PLCD3: variants seen among roughly 807,000 people sequenced by gnomAD.
PLCD3 encodes the protein 1-phosphatidylinositol 4,5-bisphosphate phosphodiesterase delta-3.
A neutral mutation model predicts 82.8 loss-of-function variants in PLCD3; 62 were observed. The observed-to-expected ratio is 0.75, with a 90% CI of 0.61 to 0.93. The LOEUF is 0.93. PLCD3 is among the 40% of genes least tolerant of loss of function. PLCD3 has a pLI of 0.00. For synonymous variants in PLCD3, 478 were observed against 471.8 expected (o/e 1.01, Z -0.17); for missense variants, 1,023 against 1,103.4 (o/e 0.93, Z 1.03).
chr17:45,114,332 C>T lies in PLCD3; in HGVS notation c.1746G>A (p.Leu582=), dbSNP rs1353635389. The stretch of plus-strand genomic sequence containing the variant: ...GCAGCCCCAGCGGGTACACGCGGGT[C>T]AGCTGGCGGGCATTGTGCCTGACAA... ...NSFVRHNARQ[L]TRVYPLGLRM... Residue 582 remains leucine, a synonymous_variant, in exon 11 of 15, where the codon CTG becomes CTA. Coordinates refer to ENST00000619929, the MANE Select transcript of PLCD3 (RefSeq NM_133373.5). 6.5e-7 allele frequency: 1 copy of T among 1,549,484 alleles called. No homozygotes were observed. The highest frequency in any genetic ancestry group is 2.0e-5 in the Admixed American group (1 of 50,628).
intron 11 of PLCD3, 132 bp downstream of exon 11, chr17:45,114,118 G>T: frequency 1.5e-6 from 1 of 666,136 alleles, no homozygotes; most frequent in Non-Finnish European, 2.5e-6. Flanking sequence ...CACCTACATT[G>T]CTGGCAACTT....
In PLCD3 at chr17:45,112,972, C is replaced by G; in HGVS notation, c.2172G>C (p.Leu724=). Reference sequence around the variant, plus strand: ...GGACCAGTGCCAGCTCCGGAGCCCGCAGCTGGAACTGCAGGGTCTGCCCCC... The same window carrying G: ...GGACCAGTGCCAGCTCCGGAGCCCGGAGCTGGAACTGCAGGGTCTGCCCCC... ...PRWGQTLQFQ[L]RAPELALVRF... is the part of the protein sequence containing the mutation. Residue 724 remains leucine, a synonymous_variant, in exon 14 of 15, where the codon CTG becomes CTC. Coordinates refer to ENST00000619929, the MANE Select transcript of PLCD3 (RefSeq NM_133373.5). 2 of 1,611,578 alleles carry G rather than the reference C, an allele frequency of 1.2e-6. No homozygotes were observed. Among genetic ancestry groups the G allele is most frequent in the Non-Finnish European group, 1.7e-6 (2 of 1,178,526 alleles).
At position 45,113,016 on chromosome 17, in the gene PLCD3, G is replaced by A; in HGVS notation, c.2132-4C>T. ...TGCCCCCAGCGGGGGTTGAAGCCTA[G>A]GGCACAGGGATGGCAGTCAGAGCCC... On this transcript the variant is annotated splice_region_variant and splice_polypyrimidine_tract_variant and intron_variant, in intron 13 of 14. Coordinates refer to ENST00000619929, the MANE Select transcript of PLCD3 (RefSeq NM_133373.5). The A allele has an allele frequency of 6.2e-7, 1 of 1,603,720 alleles. No homozygotes were observed. Among genetic ancestry groups the A allele is most frequent in the South Asian group, 1.1e-5 (1 of 89,684 alleles).
intron 12 of PLCD3, 24 bp from the exon 13 acceptor site, chr17:45,113,281 T>C: frequency 6.3e-7 from 1 of 1,586,460 alleles, no homozygotes; most frequent in Admixed American, 1.8e-5. Context: ...AGGGAGTGGC[T>C]GGGGCCCACG....
At chr17:45,126,144 C>T (rs1165350925) in intron 1 of PLCD3, among the ~76,000 whole-genome samples, 3 of 147,164 alleles carry the variant, frequency 2.0e-5, no homozygotes, top group Non-Finnish European at 3.0e-5. Context: ...CCTGGGTTCA[C>T]GCCATTCTCC....
chr17:45,116,152 G>A (rs1432905733), intron 8 of PLCD3, among the ~76,000 whole-genome samples: 1 of 152,228 alleles, frequency 6.6e-6, no homozygotes, highest in African/African-American at 2.4e-5. Flanking sequence ...GGAGAGAGCC[G>A]AGGACGCGCT....
chr17:45,115,442 G>C lies in PLCD3; in HGVS notation c.1462C>G (p.Arg488Gly), dbSNP rs374063213. The change falls in exon 9 of 15, where the codon CGG becomes GGG. Residue 488 changes from arginine to glycine, a missense_variant. Physicochemically the swap from Arg to Gly is moderately radical, Grantham distance 125. This residue lies in a region of PLCD3 where 553 missense variants were observed against 655.7 expected (regional missense o/e 0.84). Transcript: ENST00000619929. ...GACAGAGCCCGGCCATCCTCGCTCC[G>C]AGCAGCGGGCAACTTCTTTCCCTTC... ...LVKGKKLPAA[R>G]SEDGRALSDR... 1 of 1,612,216 alleles carries C rather than the reference G, an allele frequency of 6.2e-7. No homozygotes were observed. The highest frequency in any genetic ancestry group is 8.5e-7 in the Non-Finnish European group (1 of 1,179,466).
chr17:45,116,769 CAG>C lies in PLCD3; in HGVS notation c.1274_1275del (p.Pro425ArgfsTer80). 6.2e-7 allele frequency: 1 copy of C among 1,603,844 alleles called. No homozygotes were observed. Among genetic ancestry groups the C allele is most frequent in the Non-Finnish European group, 8.5e-7 (1 of 1,174,492 alleles). On this transcript the variant is annotated frameshift_variant, in exon 8 of 15. Transcript: ENST00000619929. LOFTEE classifies it high-confidence loss of function. ...CAGTGGTTCTCCAGGGATAGGATGA[CAG>C]GGTAAGGGGACAGCTGTGGGGGGAA... is the stretch of plus-strand genomic sequence containing the variant. ...RDHAFTLSPY[P>X]VILSLENHCG...
intron 11 of PLCD3, among the ~76,000 whole-genome samples, chr17:45,113,879 G>A (rs750623925): frequency 7.9e-5 from 12 of 152,086 alleles, no homozygotes; most frequent in Non-Finnish European, 1.2e-4. Flanking sequence ...AGGGGTCTGA[G>A]GAAGCCTGGG....
intron 1 of PLCD3, among the ~76,000 whole-genome samples, chr17:45,129,660 G>A (rs1157573336): frequency 6.6e-6 from 1 of 152,340 alleles, no homozygotes; most frequent in African/African-American, 2.4e-5. Context: ...AGCAGGATCA[G>A]GTCTGATGCA....
At chr17:45,115,056 C>G in intron 10 of PLCD3, 38 bp downstream of exon 10, 1 of 1,565,884 alleles carries the variant, frequency 6.4e-7, no homozygotes, top group Non-Finnish European at 8.7e-7. Flanking sequence ...AGGTCTCTCA[C>G]CCTCTCGCCC....
intron 1 of PLCD3, among the ~76,000 whole-genome samples, chr17:45,127,283 C>T (rs1424090420): frequency 1.3e-5 from 2 of 152,210 alleles, no homozygotes; most frequent in African/African-American, 4.8e-5. Context: ...ACCAGGACAG[C>T]GGCACCTCCC....
chr17:45,132,191 G>A lies in PLCD3; in HGVS notation c.163+57C>T. 1 of 1,236,542 alleles carries A rather than the reference G, an allele frequency of 8.1e-7. No individual in the cohort carries two copies. The highest frequency in any genetic ancestry group is 1.0e-6 in the Non-Finnish European group (1 of 989,296). The allele number at this position is 1,236,542 out of a possible 1,614,324, so 76.6% of individuals were successfully genotyped here. A position where few individuals can be genotyped will look rare whatever the true frequency, so the allele number is the denominator to read the frequency against. On this transcript the variant is annotated intron_variant, in intron 1 of 14. Transcript: ENST00000619929. The surrounding 1 kb of genome is among the most constrained non-coding windows in gnomAD (Gnocchi z 4.6). ...ACGAACTGCTCCCTGGAGCGCCCCA[G>A]ACTGGGCCTCTGGGAACGGTCCGCG...
At chr17:45,115,298 C>T (rs545452026) in intron 9 of PLCD3, 46 bp downstream of exon 9, 7 of 1,528,460 alleles carry the variant, frequency 4.6e-6, no homozygotes, top group Admixed American at 3.9e-5. Flanking sequence ...CACATCCGTC[C>T]TCCCACCTTC....
chr17:45,126,210 A>AT (rs555836313), intron 1 of PLCD3, among the ~76,000 whole-genome samples: 442 of 151,128 alleles, frequency 2.9e-3, no homozygotes, highest in African/African-American at 0.01. Flanking sequence ...CACCTGGCTA[A>AT]TTTTTTTTGT....
chr17:45,126,347 AT>A (rs398030937), intron 1 of PLCD3, among the ~76,000 whole-genome samples: 6,644 of 78,542 alleles, frequency 0.085, 127 homozygotes, highest in East Asian at 0.17. Flanking sequence ...CGCCCAGCCT[AT>A]TTTTTTTTTT....
chr17:45,117,236 C>G (rs747035356), intron 7 of PLCD3, among the ~76,000 whole-genome samples: 10 of 152,118 alleles, frequency 6.6e-5, no homozygotes, highest in Non-Finnish European at 1.3e-4. Context: ...AGAGCCACCA[C>G]GCCTGGCCGA....
rs1043944395 is a variant in PLCD3, at chr17:45,121,108, C to T, written c.348G>A (p.Ala116=). 2 of 1,526,816 alleles carry T rather than the reference C, an allele frequency of 1.3e-6. No homozygotes were observed. Among genetic ancestry groups the T allele is most frequent in the South Asian group, 1.2e-5 (1 of 81,728 alleles). The allele number at this position is 1,526,816 out of a possible 1,614,324, so 94.6% of individuals were successfully genotyped here. A position where few individuals can be genotyped will look rare whatever the true frequency, so the allele number is the denominator to read the frequency against. Residue 116 remains alanine, a synonymous_variant, in exon 3 of 15, where the codon GCG becomes GCA. Coordinates refer to ENST00000619929, the MANE Select transcript of PLCD3 (RefSeq NM_133373.5). Reference sequence around the variant, plus strand: ...CCTCGGACTGGTGGCCCTCGCGGACCGCCTCGATGTGCTGCACGAAGACTG... The same window carrying T: ...CCTCGGACTGGTGGCCCTCGCGGACTGCCTCGATGTGCTGCACGAAGACTG... The part of the protein sequence containing the change: ...QHIFFVQHIE[A]VREGHQSEGL...
At position 45,119,042 on chromosome 17, in the gene PLCD3, T is replaced by A; in HGVS notation, c.686A>T (p.Glu229Val). The change falls in exon 5 of 15, where the codon GAG becomes GTG. Residue 229 changes from glutamate (E) to valine (V), a missense_variant and splice_region_variant. By Grantham distance (121) the Glu-to-Val change is moderately radical. Coordinates refer to ENST00000619929, the MANE Select transcript of PLCD3 (RefSeq NM_133373.5). ...NDMYAYLLFK[E>V]CDHSNNDRLE... is the part of the protein sequence containing the mutation. ...ACGGTCGTTGTTGGAGTGGTCACAC[T>A]CCTGGGGAGCAGCAGGAGAAGCTCA... 1 of 1,601,134 alleles carries A rather than the reference T, an allele frequency of 6.2e-7. No individual in the cohort carries two copies. The highest frequency in any genetic ancestry group is 2.3e-5 in the East Asian group (1 of 44,438).
Sources: allele counts gnomAD v4.1 joint callset (sites outside exome capture counted in the v4.1 genomes callset), GRCh38; gene constraint gnomAD v4.1.1; regional missense constraint gnomAD v4.1.1; non-coding constraint Gnocchi (gnomAD v3.1); transcripts MANE v1.5; gene names NCBI Gene and HGNC (gene_info 2026-07-23, HGNC 2026-07-21).